Variants in KIF3A observed in about 807,000 individuals in gnomAD.
The protein encoded by KIF3A is kinesin-like protein KIF3A.
Under a neutral mutation model 92.6 loss-of-function variants are expected in KIF3A, and 27 were observed. The ratio of observed to expected loss-of-function variants is 0.29; its 90% CI spans 0.21 to 0.40. The LOEUF (loss-of-function observed/expected upper bound fraction) is 0.40. Among genes scored for constraint, KIF3A ranks in the 10% least tolerant of loss-of-function variants. The probability of loss-of-function intolerance (pLI) is 1.00; values close to 1 mark genes in which losing one functional copy is unlikely to be tolerated. For missense variants in KIF3A, 581 were observed against 872.6 expected, an observed-to-expected ratio of 0.67 and a Z score of 4.21; for synonymous variants, 250 against 275.4, an observed-to-expected ratio of 0.91 and a Z score of 0.92.
At chr5:132,700,784 CATT>C in intron 15 of KIF3A, 84 bp from the exon 16 acceptor site, 2 of 806,090 alleles carry the variant, frequency 2.5e-6, no homozygotes, top group Non-Finnish European at 4.2e-6. Flanking sequence ...ATCTTAATAA[CATT>C]GAGTAATAAA....
At chr5:132,717,066 C>T in intron 5 of KIF3A, 82 bp from the exon 6 acceptor site, 1 of 1,353,452 alleles carries the variant, frequency 7.4e-7, no homozygotes, top group Non-Finnish European at 1.0e-6. Context: ...CAGTTTAAAA[C>T]ACTTAATTTT....
chr5:132,737,152 T>C (rs1281231801), intron 1 of KIF3A, among the ~76,000 whole-genome samples: 2 of 152,308 alleles, frequency 1.3e-5, no homozygotes, highest in Non-Finnish European at 2.9e-5. Flanking sequence ...CAGCGCCTTT[T>C]TGATAAGCGG....
chr5:132,719,071 CAAAAG>C (rs1275415361), intron 5 of KIF3A, among the ~76,000 whole-genome samples: 1 of 152,080 alleles, frequency 6.6e-6, no homozygotes, highest in African/African-American at 2.4e-5. Context: ...AACACAGAGT[CAAAAG>C]GAATGTATTT....
In KIF3A at chr5:132,700,451, T is replaced by C. The variant is rs1316001129; in HGVS notation, c.1939-167A>G. The stretch of plus-strand genomic sequence containing the variant: ...CTTAGTCCCACATAGCCCCTAACTC[T>C]GACCATTTCCACCCAGACCATGATC... On this transcript the variant is annotated intron_variant, in intron 16 of 18. Transcript: ENST00000403231. 7.7e-6 allele frequency: 5 copies of C among 649,640 alleles called. No homozygotes were observed. The African/African-American group carries it at 9.2e-5, about 12-fold the overall frequency. The allele number at this position is 649,640 out of a possible 1,614,324, so 40.2% of individuals were successfully genotyped here. A position where few individuals can be genotyped will look rare whatever the true frequency, so the allele number is the denominator to read the frequency against.
At chr5:132,735,449 T>C (rs928080842) in intron 1 of KIF3A, among the ~76,000 whole-genome samples, 4 of 152,234 alleles carry the variant, frequency 2.6e-5, no homozygotes, top group Admixed American at 1.3e-4. Flanking sequence ...ACAGTTTAGT[T>C]GAACAGATAC....
chr5:132,711,080 T>A lies in KIF3A; in HGVS notation c.1130-23A>T, dbSNP rs201357759. 3 of 1,606,190 alleles carry A rather than the reference T, an allele frequency of 1.9e-6. No homozygotes were observed. In the African/African-American group the frequency reaches 4.0e-5, roughly 21 times the overall value. On this transcript the variant is annotated intron_variant, in intron 8 of 18. Transcript: ENST00000403231. The stretch of plus-strand genomic sequence containing the variant: ...CTCCTTGGACAGAAATTTAATACAA[T>A]GTTTTTTATCCTGTACGAAGTCATT...
chr5:132,719,052 A>C (rs1324866356), intron 5 of KIF3A, among the ~76,000 whole-genome samples: 4 of 99,846 alleles, frequency 4.0e-5, no homozygotes, highest in Non-Finnish European at 9.0e-5. Context: ...CAGAATGTCT[A>C]AAATTAGAAA....
At chr5:132,700,506 G>A (rs1434982097) in intron 16 of KIF3A, 141 bp downstream of exon 16, 1 of 670,028 alleles carries the variant, frequency 1.5e-6, no homozygotes, top group Non-Finnish European at 2.6e-6. Flanking sequence ...CATGGAATTA[G>A]AAAAATATTT....
Position 132,716,577 on chromosome 5 carries a change from G to C in KIF3A, c.757-135C>G, listed in dbSNP as rs1415986155. 3.8e-6 allele frequency: 3 copies of C among 799,294 alleles called. No individual in the cohort carries two copies. The African/African-American group carries it at 5.2e-5, about 14-fold the overall frequency. 49.5% of individuals were successfully genotyped at this position (799,294 alleles called of 1,614,324 possible). Reference sequence around the variant, plus strand: ...CTGAATTCACTTCAAAATAATATAGGAAAGGAAGAAGTGGGGGAGAGTACA... The same window carrying C: ...CTGAATTCACTTCAAAATAATATAGCAAAGGAAGAAGTGGGGGAGAGTACA... On this transcript the variant is annotated intron_variant, in intron 6 of 18. Transcript: ENST00000403231.
chr5:132,704,862 T>C (rs1424227590), intron 11 of KIF3A, among the ~76,000 whole-genome samples: 3 of 151,988 alleles, frequency 2.0e-5, no homozygotes, highest in African/African-American at 7.2e-5. Flanking sequence ...TAACTGAGTA[T>C]ATTTTTTCAG....
Position 132,699,321 on chromosome 5 carries a change from C to T in KIF3A, c.2008-26G>A, listed in dbSNP as rs989137490. 1.9e-6 allele frequency: 3 copies of T among 1,610,638 alleles called. No individual in the cohort carries two copies. In the Admixed American group the frequency reaches 5.0e-5, roughly 27 times the overall value. On this transcript the variant is annotated intron_variant, in intron 17 of 18. Transcript: ENST00000403231. The stretch of plus-strand genomic sequence containing the variant: ...CTAAGTAAAAGAAACAAACACAAAG[C>T]ACTCTTAAGGCAAAGAGTTAAAGCC...
chr5:132,730,362 T>C (rs1002603990), intron 2 of KIF3A, among the ~76,000 whole-genome samples: 20 of 150,994 alleles, frequency 1.3e-4, no homozygotes, highest in African/African-American at 4.9e-4. Flanking sequence ...GCTACCCAGG[T>C]GGCTGAGGCG....
At chr5:132,722,739 G>A (rs182467258) in intron 4 of KIF3A, among the ~76,000 whole-genome samples, 25 of 152,218 alleles carry the variant, frequency 1.6e-4, no homozygotes, top group African/African-American at 4.3e-4. Context: ...GCTTTATTTC[G>A]CTCCAAACTC....
intron 18 of KIF3A, among the ~76,000 whole-genome samples, 164 bp downstream of exon 18, chr5:132,699,007 G>C (rs893696105): frequency 6.6e-6 from 1 of 152,008 alleles, no homozygotes; most frequent in Non-Finnish European, 1.5e-5. Flanking sequence ...CAAAATGCTG[G>C]GATTACAGGC....
chr5:132,698,265 C>T (rs567691124), intron 18 of KIF3A, among the ~76,000 whole-genome samples: 1 of 152,130 alleles, frequency 6.6e-6, no homozygotes, highest in East Asian at 1.9e-4. Flanking sequence ...TTTAGGAGCC[C>T]CAGAGTCTTA....
At chr5:132,714,630 AG>A (rs141115912) in intron 8 of KIF3A, among the ~76,000 whole-genome samples, 249 of 152,318 alleles carry the variant, frequency 1.6e-3, no homozygotes, top group African/African-American at 5.8e-3. Context: ...AGAAAAGAAT[AG>A]GAAGTTACTA....
At position 132,693,587 on chromosome 5, in the gene KIF3A, G is replaced by A. The variant is rs955533762; in HGVS notation, c.*3047C>T. On this transcript the variant is annotated 3_prime_UTR_variant, in exon 19 of 19. Coordinates refer to ENST00000403231, the MANE Select transcript of KIF3A (RefSeq NM_001300791.2). ...GACCTTACAACATATTTCATTTGTG[G>A]ACAAAGACACAGTAAATGTGAGGAA... The A allele has an allele frequency of 1.3e-5, 2 of 152,666 alleles. No homozygotes were observed. Among genetic ancestry groups the A allele is most frequent in the African/African-American group, 4.8e-5 (2 of 41,420 alleles). The allele number at this position is 152,666 out of a possible 1,614,324, so 9.5% of individuals were successfully genotyped here. A position where few individuals can be genotyped will look rare whatever the true frequency, so the allele number is the denominator to read the frequency against.
At position 132,710,946 on chromosome 5, in the gene KIF3A, A is replaced by G. The variant is rs1188207379; in HGVS notation, c.1228+13T>C. 1.9e-6 allele frequency: 3 copies of G among 1,613,658 alleles called. No individual in the cohort carries two copies. Among genetic ancestry groups the G allele is most frequent in the African/African-American group, 2.7e-5 (2 of 74,920 alleles). On this transcript the variant is annotated intron_variant, in intron 9 of 18. Coordinates refer to ENST00000403231, the MANE Select transcript of KIF3A (RefSeq NM_001300791.2). ...CCTAATTTCTACAAATCAGATTACT[A>G]AACAGAACTTACCCCTTCTTTTTTT...
intron 7 of KIF3A, 42 bp from the exon 8 acceptor site, chr5:132,715,973 CAG>C: frequency 1.4e-6 from 2 of 1,393,074 alleles, no homozygotes; most frequent in Non-Finnish European, 2.0e-6. Flanking sequence ...TTACACTTGA[CAG>C]AGTTAAAATT....
Sources: gnomAD v4.1 joint callset for allele counts (sites outside exome capture counted in the v4.1 genomes callset) on GRCh38, gnomAD v4.1.1 for gene constraint, MANE v1.5 for transcripts, NCBI Gene and HGNC (gene_info 2026-07-23, HGNC 2026-07-21) for gene names.